The following RYR2 variants were observed in gnomAD, a reference collection of about 807,000 sequenced individuals.
RYR2 encodes the protein ryanodine receptor 2.
In RYR2, 227 loss-of-function variants were observed where a neutral mutation model predicts 601.1. That is an observed-to-expected ratio of 0.38 (90% CI 0.34 to 0.42). The LOEUF is 0.42. Among genes scored for constraint, RYR2 ranks in the 10% least tolerant of loss-of-function variants. The pLI is 1.00. For missense variants in RYR2, 4,646 were observed against 6,156.5 expected, an observed-to-expected ratio of 0.75 and a Z score of 8.21; for synonymous variants, 2,223 against 2,175.1, an observed-to-expected ratio of 1.02 and a Z score of -0.61.
At chr1:237,642,834 C>T (rs1681704951) in intron 47 of RYR2, among the ~76,000 whole-genome samples, 1 of 152,130 alleles carries the variant, frequency 6.6e-6, no homozygotes, top group Non-Finnish European at 1.5e-5. Flanking sequence ...ATATATCCAG[C>T]CTTGGGAGAA....
At position 237,159,059 on chromosome 1, in the gene RYR2, G is replaced by A. The variant is rs530817442; in HGVS notation, c.49-111438G>A. Among the ~76,000 whole-genome samples the A allele has an allele frequency of 6.6e-5, 10 of 152,262 alleles. No homozygotes were observed. In the East Asian group the frequency reaches 1.7e-3, roughly 27 times the overall value. On this transcript the variant is annotated intron_variant, in intron 1 of 104. Coordinates refer to ENST00000366574, the MANE Select transcript of RYR2 (RefSeq NM_001035.3). ...CATAATCCCAGCACTTTGGGAGGCC[G>A]AGGCGGGCGGATCACCTGAGGTCAG...
At chr1:237,332,192 G>A (rs1449527142) in intron 3 of RYR2, among the ~76,000 whole-genome samples, 11 of 152,094 alleles carry the variant, frequency 7.2e-5, no homozygotes, top group Admixed American at 7.2e-4. Context: ...AGAAAGGAGT[G>A]ATCAGTTATA....
At chr1:237,659,432 C>CA (rs1683562480) in intron 54 of RYR2, among the ~76,000 whole-genome samples, 1 of 151,888 alleles carries the variant, frequency 6.6e-6, no homozygotes, top group Non-Finnish European at 1.5e-5. Context: ...TACAGATGGG[C>CA]AAAATAATAT....
intron 1 of RYR2, among the ~76,000 whole-genome samples, chr1:237,220,752 T>C (rs1683716518): frequency 6.6e-6 from 1 of 152,184 alleles, no homozygotes; most frequent in Non-Finnish European, 1.5e-5. Flanking sequence ...GAAGTACTGG[T>C]TGGGAGAAAA....
chr1:237,515,900 C>T (rs1407205993), intron 24 of RYR2, among the ~76,000 whole-genome samples: 9 of 145,124 alleles, frequency 6.2e-5, no homozygotes, highest in Admixed American at 6.9e-5. Context: ...TCCCTCTTCT[C>T]CTTCTCCCTC....
At chr1:237,697,025 C>T (rs1687512471) in intron 63 of RYR2, among the ~76,000 whole-genome samples, 1 of 151,994 alleles carries the variant, frequency 6.6e-6, no homozygotes, top group Admixed American at 6.6e-5. Context: ...ACTGAAAATC[C>T]AAGGGCTTGC....
intron 65 of RYR2, 138 bp downstream of exon 65, chr1:237,700,605 A>C (rs1176993297): frequency 1.6e-6 from 1 of 606,716 alleles, no homozygotes; most frequent in African/African-American, 1.9e-5. Context: ...GCAAAACGTT[A>C]TAGGTTGACA....
chr1:237,490,260 T>C (rs1201794882), intron 17 of RYR2, among the ~76,000 whole-genome samples: 2 of 152,218 alleles, frequency 1.3e-5, no homozygotes, highest in African/African-American at 2.4e-5. Context: ...TGGGATCAAT[T>C]GTACTGCAAA....
At chr1:237,570,375 G>A (rs1255762012) in intron 29 of RYR2, among the ~76,000 whole-genome samples, 1 of 143,138 alleles carries the variant, frequency 7.0e-6, no homozygotes, top group Non-Finnish European at 1.5e-5. Flanking sequence ...TTTTGCTCTT[G>A]TCGCCCGGGC....
intron 12 of RYR2, among the ~76,000 whole-genome samples, chr1:237,432,140 C>T (rs1372677074): frequency 6.6e-6 from 1 of 150,870 alleles, no homozygotes; most frequent in African/African-American, 2.4e-5. Context: ...GTGGCTTTTA[C>T]AAGCAGATGA....
intron 25 of RYR2, among the ~76,000 whole-genome samples, chr1:237,545,264 G>T (rs948978688): frequency 3.3e-5 from 5 of 152,164 alleles, no homozygotes; most frequent in African/African-American, 1.2e-4. Context: ...ATCCAGCTTC[G>T]CACATTAGCA....
In RYR2 at chr1:237,317,241, C is replaced by T. The variant is rs193205698; in HGVS notation, c.169-13637C>T. ...AGCTAGTCAAAGCAAAACCGAATAA[C>T]TCTACCTCAGAAGTGTCTTCACTTA... On this transcript the variant is annotated intron_variant, in intron 2 of 104. Transcript: ENST00000366574. Among the ~76,000 whole-genome samples the T allele has an allele frequency of 2.9e-3, 443 of 152,294 alleles. 6 individuals carry two copies. The highest frequency in any genetic ancestry group is 3.8e-3 in the Non-Finnish European group (260 of 68,028).
At chr1:237,518,465 T>A (rs1038086345) in intron 24 of RYR2, among the ~76,000 whole-genome samples, 1 of 152,186 alleles carries the variant, frequency 6.6e-6, no homozygotes, top group African/African-American at 2.4e-5. Flanking sequence ...TCTATGTCCA[T>A]GTGTGCACAT....
chr1:237,118,625 A>G (rs1291145055), intron 1 of RYR2, among the ~76,000 whole-genome samples: 3 of 151,776 alleles, frequency 2.0e-5, no homozygotes, highest in Non-Finnish European at 4.4e-5. Context: ...CTTTTTTGAG[A>G]TGGAGTTTTG....
chr1:237,248,002 G>A (rs1487361665), intron 1 of RYR2, among the ~76,000 whole-genome samples: 3 of 152,068 alleles, frequency 2.0e-5, no homozygotes, highest in Non-Finnish European at 4.4e-5. Context: ...GGCCGGGCAC[G>A]GTGGCTTATG....
chr1:237,264,890 T>A (rs1425773950), intron 1 of RYR2, among the ~76,000 whole-genome samples: 1 of 151,376 alleles, frequency 6.6e-6, no homozygotes, highest in Non-Finnish European at 1.5e-5. Flanking sequence ...TTAGTAGAGA[T>A]GGGGTTTCAC....
At chr1:237,438,892 C>G (rs1159314607) in intron 12 of RYR2, among the ~76,000 whole-genome samples, 8 of 152,130 alleles carry the variant, frequency 5.3e-5, no homozygotes, top group Admixed American at 2.6e-4. Context: ...AGGATTTTTT[C>G]CAAATTTTAT....
At chr1:237,209,849 T>A (rs1353834852) in intron 1 of RYR2, among the ~76,000 whole-genome samples, 2 of 152,090 alleles carry the variant, frequency 1.3e-5, no homozygotes, top group Non-Finnish European at 2.9e-5. Context: ...GAGCAAGATC[T>A]TGTCTCAAAA....
intron 29 of RYR2, among the ~76,000 whole-genome samples, chr1:237,584,532 G>A (rs1572973980): frequency 6.6e-6 from 1 of 151,970 alleles, no homozygotes; most frequent in East Asian, 1.9e-4. Flanking sequence ...CTGGCACATG[G>A]TAGGTGTTCA....
Sources: gnomAD v4.1 joint callset for allele counts (sites outside exome capture counted in the v4.1 genomes callset) on GRCh38, gnomAD v4.1.1 for gene constraint, MANE v1.5 for transcripts, NCBI Gene and HGNC (gene_info 2026-07-23, HGNC 2026-07-21) for gene names.